RAP1GAP2: variants seen among roughly 807,000 people sequenced by gnomAD.
RAP1GAP2 encodes the protein RAP1 GTPase activating protein 2.
Under a neutral mutation model 95.0 loss-of-function variants are expected in RAP1GAP2, and 27 were observed. That is an observed-to-expected ratio of 0.28 (90% CI 0.21 to 0.39). The LOEUF (loss-of-function observed/expected upper bound fraction) is 0.39, where lower values mean the gene tolerates loss of function less well. Ranked by LOEUF, RAP1GAP2 falls within the 10% of genes least tolerant of loss-of-function variation. The probability of loss-of-function intolerance (pLI) is 1.00; values close to 1 mark genes in which losing one functional copy is unlikely to be tolerated. For synonymous variants in RAP1GAP2, 373 were observed against 380.9 expected (o/e 0.98, Z 0.24); for missense variants, 771 against 970.0 (o/e 0.79, Z 2.72).
rs562677816 is a variant in RAP1GAP2 at position 2,965,828 on chromosome 17, G to A, written c.596+185G>A. On this transcript the variant is annotated intron_variant, in intron 8 of 24. Transcript: ENST00000254695. This position sits in a 1 kb window ranked among gnomAD's most constrained non-coding sequence, Gnocchi z 4.7. ...GAAGTTGCCTAGCAGGGAGACCCAC[G>A]CGCTCCACCAGTTAGCTGACAGTCA... is the stretch of plus-strand genomic sequence containing the variant. 31 of 590,374 alleles carry A rather than the reference G, an allele frequency of 5.3e-5. No individual in the cohort carries two copies. Among genetic ancestry groups the A allele is most frequent in the African/African-American group, 2.0e-4 (11 of 53,786 alleles). 36.6% of individuals were successfully genotyped at this position (590,374 alleles called of 1,614,324 possible). A position where few individuals can be genotyped will look rare whatever the true frequency, so the allele number is the denominator to read the frequency against.
intron 2 of RAP1GAP2, among the ~76,000 whole-genome samples, chr17:2,891,814 CTTTTTTTTTTTT>C (rs917540694): frequency 7.4e-5 from 4 of 54,288 alleles, no homozygotes; most frequent in African/African-American, 2.8e-4. Context: ...TATTTCTTTT[CTTTTTTTTTTTT>C]TTTTTTTTTT....
At chr17:2,938,772 A>G (rs1361695378) in intron 3 of RAP1GAP2, among the ~76,000 whole-genome samples, 2 of 152,182 alleles carry the variant, frequency 1.3e-5, no homozygotes, top group Non-Finnish European at 2.9e-5. Context: ...GGATCACCTG[A>G]GGTTAGGAGT....
chr17:2,836,632 AAAAAC>A (rs139693633), intron 2 of RAP1GAP2, among the ~76,000 whole-genome samples: 1 of 151,828 alleles, frequency 6.6e-6, no homozygotes, highest in African/African-American at 2.4e-5. Context: ...ACTCAGTCTC[AAAAAC>A]AAAACAAAAC....
rs1424808536 is a variant in RAP1GAP2, at chr17:2,797,971, C to G, written c.44+1400C>G. ...CAGAAAGCTCCGGGTGCACAGGTCCCGGTCTCAGCCTAGCTTCATTCCATA... is the reference window on the plus strand; with the variant it reads ...CAGAAAGCTCCGGGTGCACAGGTCCGGGTCTCAGCCTAGCTTCATTCCATA... On this transcript the variant is annotated intron_variant, in intron 1 of 24. Coordinates refer to ENST00000254695, the MANE Select transcript of RAP1GAP2 (RefSeq NM_015085.5). This position sits in a 1 kb window ranked among gnomAD's most constrained non-coding sequence, Gnocchi z 5.6. 2.6e-5 allele frequency among the ~76,000 whole-genome samples: 4 copies of G among 152,150 alleles called. No homozygotes were observed. Among genetic ancestry groups the G allele is most frequent in the Admixed American group, 2.0e-4 (3 of 15,274 alleles).
intron 17 of RAP1GAP2, 118 bp from the exon 18 acceptor site, chr17:3,017,943 G>GTA: frequency 1.2e-6 from 1 of 847,552 alleles, no homozygotes; most frequent in Non-Finnish European, 1.8e-6. Context: ...GTGTGTGTGT[G>GTA]TGTGTATGTG....
Position 2,963,785 on chromosome 17 carries a change from G to C in RAP1GAP2, c.280-71G>C. On this transcript the variant is annotated intron_variant, in intron 6 of 24. Transcript: ENST00000254695. The surrounding 1 kb of genome is among the most constrained non-coding windows in gnomAD (Gnocchi z 4.8). Reference sequence around the variant, plus strand: ...CCCCACTCCTGGGAGCAGCGCAGAGGGGACACCGCCACCGGCCCCCTCCCT... The same window carrying C: ...CCCCACTCCTGGGAGCAGCGCAGAGCGGACACCGCCACCGGCCCCCTCCCT... 1 of 1,345,564 alleles carries C rather than the reference G, an allele frequency of 7.4e-7. No individual in the cohort carries two copies. The highest frequency in any genetic ancestry group is 1.4e-5 in the South Asian group (1 of 71,558). 83.4% of individuals were successfully genotyped at this position (1,345,564 alleles called of 1,614,324 possible).
chr17:2,796,001 T>TGTGTGGCTGGTTCCTCTGGC (rs2069069286), upstream of RAP1GAP2, among the ~76,000 whole-genome samples: 1 of 152,126 alleles, frequency 6.6e-6, no homozygotes, highest in Non-Finnish European at 1.5e-5. This position sits in a 1 kb window ranked among gnomAD's most constrained non-coding sequence, Gnocchi z 4.7. Context: ...GAATGACATG[T>TGTGTGGCTGGTTCCTCTGGC]GTGTGGCTGG....
At chr17:2,923,852 C>T (rs2042871446) in intron 3 of RAP1GAP2, among the ~76,000 whole-genome samples, 1 of 152,234 alleles carries the variant, frequency 6.6e-6, no homozygotes, top group South Asian at 2.1e-4. Context: ...GTCCAGACAT[C>T]TTGGCATCAT....
At chr17:2,983,718 G>A (rs111273219) in intron 10 of RAP1GAP2, among the ~76,000 whole-genome samples, 367 of 152,274 alleles carry the variant, frequency 2.4e-3, no homozygotes, top group African/African-American at 8.2e-3. Context: ...TTGTACAGGT[G>A]AAAAATGATA....
chr17:2,755,808 G>A (rs1200548111), intron 1 of RAP1GAP2: 46 of 351,086 alleles, frequency 1.3e-4, no homozygotes, highest in Non-Finnish European at 7.7e-5. Flanking sequence ...ATGCGGGAGC[G>A]AACCCCGAGG....
At chr17:2,968,607 TAAGAG>T (rs1015045214) in intron 8 of RAP1GAP2, among the ~76,000 whole-genome samples, 2 of 152,054 alleles carry the variant, frequency 1.3e-5, no homozygotes, top group African/African-American at 4.8e-5. Flanking sequence ...TTCCAAATAG[TAAGAG>T]AAGACAAAGA....
At chr17:2,755,780 C>T (rs1860285) in intron 1 of RAP1GAP2, 22,250 of 354,750 alleles carry the variant, frequency 0.063, 3,834 homozygotes, top group African/African-American at 0.4. Context: ...GAGTGGGCGC[C>T]GGGCGGCGCG....
At chr17:2,832,932 C>T (rs2070955338) in intron 2 of RAP1GAP2, among the ~76,000 whole-genome samples, 2 of 151,800 alleles carry the variant, frequency 1.3e-5, no homozygotes, top group African/African-American at 4.8e-5. Flanking sequence ...TGAGCGAGAT[C>T]GCACCACTGC....
intron 1 of RAP1GAP2, among the ~76,000 whole-genome samples, chr17:2,762,278 C>T (rs568453378): frequency 3.5e-4 from 53 of 151,922 alleles, no homozygotes; most frequent in East Asian, 2.7e-3. Context: ...TGAGCCACTG[C>T]GCCTGGCCGT....
At chr17:2,790,817 A>T (rs991459038) in intron 1 of RAP1GAP2, among the ~76,000 whole-genome samples, 1 of 152,190 alleles carries the variant, frequency 6.6e-6, no homozygotes, top group African/African-American at 2.4e-5. Context: ...GGGCCAGGGG[A>T]CACAGTGGAG....
rs2047180522 is a variant in RAP1GAP2 at position 3,027,969 on chromosome 17, G to A, written c.2107+899G>A. The stretch of plus-strand genomic sequence containing the variant: ...GGGGCCAGCACCTGAGGGCCGTTCA[G>A]GTAGACCTGTGCGGTGGGCACTGCT... On this transcript the variant is annotated intron_variant, in intron 22 of 24. Coordinates refer to ENST00000254695, the MANE Select transcript of RAP1GAP2 (RefSeq NM_015085.5). This position sits in a 1 kb window ranked among gnomAD's most constrained non-coding sequence, Gnocchi z 5.2. 6.6e-6 allele frequency among the ~76,000 whole-genome samples: 1 copy of A among 152,240 alleles called. No individual in the cohort carries two copies. The highest frequency in any genetic ancestry group is 6.5e-5 in the Admixed American group (1 of 15,296).
chr17:2,935,899 C>T (rs993162065), intron 3 of RAP1GAP2, among the ~76,000 whole-genome samples: 2 of 152,064 alleles, frequency 1.3e-5, no homozygotes, highest in Non-Finnish European at 1.5e-5. Context: ...GAAACGCGGC[C>T]GATCTGGCGG....
At chr17:2,793,690 A>T (rs536833580), upstream of RAP1GAP2, among the ~76,000 whole-genome samples, 8 of 152,338 alleles carry the variant, frequency 5.3e-5, no homozygotes, top group East Asian at 1.4e-3. Flanking sequence ...AATGAAAGAA[A>T]TCCAACTCAT....
intron 1 of RAP1GAP2, among the ~76,000 whole-genome samples, chr17:2,789,630 A>C (rs2068873669): frequency 1.6e-5 from 2 of 124,682 alleles, no homozygotes; most frequent in South Asian, 5.5e-4. Flanking sequence ...AAAAAAAAAA[A>C]CATTAGCCAG....
Sources: allele counts gnomAD v4.1 joint callset (sites outside exome capture counted in the v4.1 genomes callset), GRCh38; gene constraint gnomAD v4.1.1; non-coding constraint Gnocchi (gnomAD v3.1); transcripts MANE v1.5; gene names NCBI Gene and HGNC (gene_info 2026-07-23, HGNC 2026-07-21).